GPR158: variants seen among roughly 807,000 people sequenced by gnomAD.
GPR158 encodes the protein metabotropic glycine receptor.
In GPR158, 30 loss-of-function variants were observed where a neutral mutation model predicts 78.2. The ratio of observed to expected loss-of-function variants is 0.38; its 90% CI spans 0.29 to 0.52. The LOEUF (loss-of-function observed/expected upper bound fraction) is 0.52, where lower values mean the gene tolerates loss of function less well. Ranked by LOEUF, GPR158 falls within the 20% of genes least tolerant of loss-of-function variation. GPR158 has a pLI of 0.83. For missense variants in GPR158, 1,463 were observed against 1,523.5 expected, an observed-to-expected ratio of 0.96 and a Z score of 0.66; for synonymous variants, 581 against 591.1, an observed-to-expected ratio of 0.98 and a Z score of 0.25.
intron 3 of GPR158, among the ~76,000 whole-genome samples, chr10:25,410,082 T>C (rs536980559): frequency 2.0e-5 from 3 of 152,314 alleles, no homozygotes; most frequent in South Asian, 2.1e-4. Context: ...TGCATTTCTT[T>C]TATGACACTG....
chr10:25,520,790 G>A (rs1332124890), intron 5 of GPR158, among the ~76,000 whole-genome samples: 1 of 152,114 alleles, frequency 6.6e-6, no homozygotes, highest in African/African-American at 2.4e-5. Flanking sequence ...TGTCAGACAG[G>A]GACAGCAGAG....
intron 4 of GPR158, among the ~76,000 whole-genome samples, chr10:25,420,849 AT>A (rs1834739489): frequency 6.6e-6 from 1 of 152,188 alleles, no homozygotes; most frequent in Admixed American, 6.5e-5. Context: ...CCAGTACTAC[AT>A]TGTTTTGATT....
At chr10:25,555,847 A>G (rs1293010249) in intron 6 of GPR158, among the ~76,000 whole-genome samples, 3 of 151,966 alleles carry the variant, frequency 2.0e-5, no homozygotes, top group South Asian at 2.1e-4. Context: ...TTGTCATTTC[A>G]TGCATTATTC....
intron 2 of GPR158, among the ~76,000 whole-genome samples, chr10:25,331,183 T>A (rs192124350): frequency 2.6e-5 from 4 of 152,248 alleles, no homozygotes; most frequent in Admixed American, 2.6e-4. Flanking sequence ...CAACTAATCC[T>A]CCAGCCTCAG....
At chr10:25,177,922 T>A (rs1332315628) in intron 1 of GPR158, among the ~76,000 whole-genome samples, 1 of 152,192 alleles carries the variant, frequency 6.6e-6, no homozygotes, top group African/African-American at 2.4e-5. Context: ...ATCCTATTAG[T>A]AAGAGCTGAG....
chr10:25,253,060 G>T (rs1853834154), intron 2 of GPR158, among the ~76,000 whole-genome samples: 2 of 152,166 alleles, frequency 1.3e-5, no homozygotes, highest in South Asian at 4.1e-4. Flanking sequence ...ATATTCGGGT[G>T]GGAGTGACCC....
chr10:25,421,347 G>C (rs72780197), intron 4 of GPR158, among the ~76,000 whole-genome samples: 528 of 151,890 alleles, frequency 3.5e-3, no homozygotes, highest in Non-Finnish European at 6.4e-3. Context: ...TTCCTCCTTC[G>C]TGCTTTCTAT....
At chr10:25,242,934 G>T (rs1366817581) in intron 2 of GPR158, among the ~76,000 whole-genome samples, 1 of 152,154 alleles carries the variant, frequency 6.6e-6, no homozygotes, top group Admixed American at 6.5e-5. Flanking sequence ...AAAATACTCA[G>T]TTCCTGACCA....
At chr10:25,527,372 T>A (rs1289555107) in intron 5 of GPR158, among the ~76,000 whole-genome samples, 2 of 152,144 alleles carry the variant, frequency 1.3e-5, no homozygotes, top group Non-Finnish European at 2.9e-5. Flanking sequence ...ATAAACTTTT[T>A]AAAATGGAGA....
chr10:25,543,421 A>C lies in GPR158; in HGVS notation c.1405-7555A>C, dbSNP rs540148468. ...CAGGCGTGAGCCACTGCACCCAGCC[A>C]GCAATACTTTTTAAAAACTCGATGC... On this transcript the variant is annotated intron_variant, in intron 5 of 10. Coordinates refer to ENST00000376351, the MANE Select transcript of GPR158 (RefSeq NM_020752.3). 1.2e-4 allele frequency among the ~76,000 whole-genome samples: 19 copies of C among 152,270 alleles called. No individual in the cohort carries two copies. In the East Asian group the frequency reaches 3.5e-3, roughly 28 times the overall value.
At chr10:25,375,214 A>G (rs903349032) in intron 2 of GPR158, among the ~76,000 whole-genome samples, 1 of 151,544 alleles carries the variant, frequency 6.6e-6, no homozygotes, top group Non-Finnish European at 1.5e-5. Context: ...TCCTTTGCGT[A>G]TATTCTAATT....
At chr10:25,253,078 CA>C (rs1304928306) in intron 2 of GPR158, among the ~76,000 whole-genome samples, 1 of 152,096 alleles carries the variant, frequency 6.6e-6, no homozygotes, top group African/African-American at 2.4e-5. Flanking sequence ...CCCGATTTTC[CA>C]GGTGCGTCCG....
chr10:25,281,447 A>G (rs112459886), intron 2 of GPR158, among the ~76,000 whole-genome samples: 1,900 of 150,978 alleles, frequency 0.013, 29 homozygotes, highest in South Asian at 0.057. Flanking sequence ...GCATGGTGGC[A>G]CATGACTGTA....
At chr10:25,452,865 TTG>T (rs1307093463) in intron 4 of GPR158, among the ~76,000 whole-genome samples, 13 of 152,146 alleles carry the variant, frequency 8.5e-5, no homozygotes, top group Non-Finnish European at 1.6e-4. Flanking sequence ...TTTTTACTCT[TTG>T]ATCAGTATCT....
Position 25,433,547 on chromosome 10 carries a change from TTGTGTGTGTG to T in GPR158, c.1335+21089_1335+21098del, listed in dbSNP as rs1554803583. Among the ~76,000 whole-genome samples the T allele has an allele frequency of 1.1e-4, 11 of 96,462 alleles. No individual in the cohort carries two copies. The South Asian group carries it at 3.2e-3, about 28-fold the overall frequency. The allele number at this position is 96,462 out of a possible 152,430, so 63.3% of individuals were successfully genotyped here. On this transcript the variant is annotated intron_variant, in intron 4 of 10. Transcript: ENST00000376351. ...TTAGTTAGGGGTGTGTGTGTGTGTG[TTGTGTGTGTG>T]TGTGTGTGTGTGTGCGCGCGCGCGT...
chr10:25,286,936 G>A (rs564489174), intron 2 of GPR158, among the ~76,000 whole-genome samples: 4 of 152,216 alleles, frequency 2.6e-5, no homozygotes, highest in African/African-American at 9.6e-5. Context: ...CTGTGCCTTA[G>A]AGAGAATTTC....
At chr10:25,346,525 A>G (rs900905954) in intron 2 of GPR158, among the ~76,000 whole-genome samples, 2 of 151,978 alleles carry the variant, frequency 1.3e-5, no homozygotes, top group Non-Finnish European at 2.9e-5. Context: ...TTAGGTGCAC[A>G]TTAAACTTCA....
intron 4 of GPR158, among the ~76,000 whole-genome samples, chr10:25,440,626 C>G (rs1476217252): frequency 3.3e-5 from 5 of 152,146 alleles, no homozygotes; most frequent in Admixed American, 3.3e-4. Flanking sequence ...ACTAAATAAT[C>G]TCTTTAATGC....
intron 5 of GPR158, among the ~76,000 whole-genome samples, chr10:25,508,222 CTT>C (rs1186854431): frequency 2.0e-5 from 3 of 152,124 alleles, no homozygotes; most frequent in African/African-American, 7.2e-5. Flanking sequence ...AAGGAGAACA[CTT>C]TTATCTTCAG....
Sources: gnomAD v4.1 joint callset for allele counts (sites outside exome capture counted in the v4.1 genomes callset) on GRCh38, gnomAD v4.1.1 for gene constraint, MANE v1.5 for transcripts, NCBI Gene and HGNC (gene_info 2026-07-23, HGNC 2026-07-21) for gene names.